The following GAD1 variants were observed in gnomAD, a reference collection of about 807,000 sequenced individuals.
The protein encoded by GAD1 is glutamate decarboxylase 1.
A neutral mutation model predicts 75.2 loss-of-function variants in GAD1; 35 were observed. The ratio of observed to expected loss-of-function variants is 0.47; its 90% CI spans 0.36 to 0.62. GAD1 has a LOEUF of 0.62. Among genes scored for constraint, GAD1 ranks in the 20% least tolerant of loss-of-function variants. The pLI, the probability that GAD1 is intolerant of heterozygous loss-of-function variation, is 0.00. For missense variants in GAD1, 490 were observed against 758.5 expected, an observed-to-expected ratio of 0.65 and a Z score of 4.16; for synonymous variants, 257 against 271.9, an observed-to-expected ratio of 0.95 and a Z score of 0.54.
In GAD1 at chr2:170,843,542, G is replaced by A. The variant is rs1054764617; in HGVS notation, c.639-503G>A. 2.0e-5 allele frequency among the ~76,000 whole-genome samples: 3 copies of A among 150,810 alleles called. No individual in the cohort carries two copies. In the East Asian group the frequency reaches 5.8e-4, roughly 29 times the overall value. On this transcript the variant is annotated intron_variant, in intron 6 of 16. Coordinates refer to ENST00000358196, the MANE Select transcript of GAD1 (RefSeq NM_000817.3). ...CAATTATCTTCACAGTTAGCCTTCA[G>A]ATGTTTACATTATTTTTAAAAGATA...
At position 170,831,053 on chromosome 2, in the gene GAD1, C is replaced by A; in HGVS notation, c.408C>A (p.Thr136=). Residue 136 remains threonine, a synonymous_variant, in exon 5 of 17, where the codon ACC becomes ACA. Transcript: ENST00000358196. ...TCCGCAAGACATTTGATCGCTCCAC[C>A]AAGGTGCTGGACTTTCATCACCCAC... ...NYVRKTFDRS[T]KVLDFHHPHQ... The A allele has an allele frequency of 6.2e-7, 1 of 1,614,188 alleles. No individual in the cohort carries two copies. Among genetic ancestry groups the A allele is most frequent in the Non-Finnish European group, 8.5e-7 (1 of 1,180,044 alleles).
At chr2:170,854,096 G>C in intron 14 of GAD1, 74 bp downstream of exon 14, 1 of 1,470,092 alleles carries the variant, frequency 6.8e-7, no homozygotes, top group Non-Finnish European at 9.5e-7. Context: ...GAGGGGCAAA[G>C]ATATATCACA....
chr2:170,847,825 G>A (rs368995767), intron 11 of GAD1, 33 bp downstream of exon 11: 6 of 1,410,076 alleles, frequency 4.3e-6, no homozygotes, highest in Admixed American at 1.7e-5. Flanking sequence ...CAGTCCATGT[G>A]GGGGGTGGAG....
In GAD1 at chr2:170,822,094, T is replaced by A. The variant is rs1397300359; in HGVS notation, c.90T>A (p.Asp30Glu). The A allele has an allele frequency of 6.2e-7, 1 of 1,610,582 alleles. No individual in the cohort carries two copies. ...NTTNLRPTTY[D>E]TWCGVAHGCT... ...CCCTCTCTCTCGTCCTAGCGTACGA[T>A]ACCTGGTGCGGCGTGGCCCATGGAT... The change falls in exon 3 of 17, where the codon GAT (aspartate) becomes GAA (glutamate). Residue 30 changes from aspartate to glutamate, a missense_variant. Physicochemically the swap from Asp to Glu is conservative, Grantham distance 45. This residue lies in a region of GAD1 where 165 missense variants were observed against 216.4 expected (regional missense o/e 0.76). Transcript: ENST00000358196.
chr2:170,826,303 G>A (rs1053813118), intron 3 of GAD1, among the ~76,000 whole-genome samples: 2 of 151,914 alleles, frequency 1.3e-5, no homozygotes, highest in Non-Finnish European at 1.5e-5. Flanking sequence ...GCAGTGGCTC[G>A]CACCTGTAAT....
intron 3 of GAD1, chr2:170,828,868 G>C (rs111208311): frequency 7.2e-6 from 1 of 138,562 alleles, no homozygotes; most frequent in African/African-American, 3.8e-5. Context: ...CTCCCTCTGC[G>C]GTCCTTGCTC....
chr2:170,814,735 G>C (rs1701665682), upstream of GAD1, among the ~76,000 whole-genome samples: 1 of 152,192 alleles, frequency 6.6e-6, no homozygotes, highest in Non-Finnish European at 1.5e-5. Context: ...AAAGGAGAAA[G>C]AGAGGGATGT....
intron 14 of GAD1, among the ~76,000 whole-genome samples, chr2:170,855,624 C>T (rs1330725663): frequency 1.3e-5 from 2 of 151,774 alleles, no homozygotes; most frequent in South Asian, 4.2e-4. Context: ...CATGTAATCC[C>T]AGCACTTTAG....
Position 170,818,766 on chromosome 2 carries a change from G to A in GAD1, c.82+93G>A. ...GCTGAGCTGGCGGAAAGGGAAGGGG[G>A]AGCGCGGAGATAATGGAGGCTGGGA... On this transcript the variant is annotated intron_variant, in intron 2 of 16. Transcript: ENST00000358196. This position sits in a 1 kb window ranked among gnomAD's most constrained non-coding sequence, Gnocchi z 5.9. 1 of 1,203,122 alleles carries A rather than the reference G, an allele frequency of 8.3e-7. No individual in the cohort carries two copies. Among genetic ancestry groups the A allele is most frequent in the East Asian group, 2.3e-5 (1 of 42,634 alleles). The allele number at this position is 1,203,122 out of a possible 1,614,324, so 74.5% of individuals were successfully genotyped here. A position where few individuals can be genotyped will look rare whatever the true frequency, so the allele number is the denominator to read the frequency against.
chr2:170,835,347 G>C (rs4668327), intron 5 of GAD1, among the ~76,000 whole-genome samples: 10 of 151,840 alleles, frequency 6.6e-5, no homozygotes, highest in Admixed American at 3.9e-4. Flanking sequence ...GGAAAACTTT[G>C]CTTTAAAAAA....
chr2:170,816,458 G>A (rs1701698922), upstream of GAD1: 1 of 152,056 alleles, frequency 6.6e-6, no homozygotes, highest in African/African-American at 2.4e-5. Context: ...CCGGGGAAAA[G>A]CACTGAGGCA....
chr2:170,836,102 GTTGT>G (rs1294427563), intron 5 of GAD1, among the ~76,000 whole-genome samples: 3 of 150,806 alleles, frequency 2.0e-5, no homozygotes, highest in Non-Finnish European at 4.4e-5. Flanking sequence ...ACCGTTTTTG[GTTGT>G]TTTTCTTTTT....
intron 3 of GAD1, among the ~76,000 whole-genome samples, chr2:170,826,970 A>G (rs1702040831): frequency 6.6e-6 from 1 of 152,180 alleles, no homozygotes; most frequent in African/African-American, 2.4e-5. Flanking sequence ...AGGCAAAGAG[A>G]TATGGAAAAG....
intron 12 of GAD1, among the ~76,000 whole-genome samples, chr2:170,849,738 G>C (rs1238918038): frequency 6.6e-6 from 1 of 152,210 alleles, no homozygotes; most frequent in African/African-American, 2.4e-5. Context: ...CAAGTAGTTA[G>C]AACACAATGT....
rs1701780902 is a variant in GAD1 at position 170,818,735 on chromosome 2, C to T, written c.82+62C>T. The T allele has an allele frequency of 6.6e-7, 1 of 1,514,680 alleles. No homozygotes were observed. Among genetic ancestry groups the T allele is most frequent in the Non-Finnish European group, 9.2e-7 (1 of 1,089,428 alleles). 93.8% of individuals were successfully genotyped at this position (1,514,680 alleles called of 1,614,324 possible). ...AGGGAAGATGGGGGCGCTGGGACGT[C>T]GGGAGGCTGAGCTGGCGGAAAGGGA... On this transcript the variant is annotated intron_variant, in intron 2 of 16. Coordinates refer to ENST00000358196, the MANE Select transcript of GAD1 (RefSeq NM_000817.3). This position sits in a 1 kb window ranked among gnomAD's most constrained non-coding sequence, Gnocchi z 5.9.
chr2:170,855,945 T>G (rs1702842846), intron 14 of GAD1, among the ~76,000 whole-genome samples: 1 of 151,116 alleles, frequency 6.6e-6, no homozygotes, highest in South Asian at 2.1e-4. Flanking sequence ...TGAAATATAA[T>G]GACCACACAA....
intron 5 of GAD1, among the ~76,000 whole-genome samples, chr2:170,832,660 GCGCGCACACACACACA>G (rs1452888778): frequency 7.5e-4 from 60 of 79,474 alleles, no homozygotes; most frequent in Admixed American, 7.0e-3. Context: ...ATGCGCGCGC[GCGCGCACACACACACA>G]CACACACACA....
In GAD1 at chr2:170,845,527, A is replaced by G. The variant is rs1433666654; in HGVS notation, c.773A>G (p.Tyr258Cys). ...ACAGGGGGCGCCATATCCAACATGT[A>G]CAGCATCATGGCTGCTCGCTACAAG... ...FSPGGAISNM[Y>C]SIMAARYKYF... Residue 258 changes from tyrosine (Y) to cysteine (C), a missense_variant, in exon 8 of 17, where the codon TAC becomes TGC. Around this residue, in one of 3 missense-constraint regions of GAD1, gnomAD observed 324 missense variants for 523.9 expected, o/e 0.62. Coordinates refer to ENST00000358196, the MANE Select transcript of GAD1 (RefSeq NM_000817.3). 6.2e-7 allele frequency: 1 copy of G among 1,613,858 alleles called. No individual in the cohort carries two copies. Among genetic ancestry groups the G allele is most frequent in the Non-Finnish European group, 8.5e-7 (1 of 1,180,004 alleles).
chr2:170,818,736 G>T lies in GAD1; in HGVS notation c.82+63G>T. ...GGGAAGATGGGGGCGCTGGGACGTC[G>T]GGAGGCTGAGCTGGCGGAAAGGGAA... On this transcript the variant is annotated intron_variant, in intron 2 of 16. Transcript: ENST00000358196. The surrounding 1 kb of genome is among the most constrained non-coding windows in gnomAD (Gnocchi z 5.9). 6.6e-7 allele frequency: 1 copy of T among 1,503,804 alleles called. No individual in the cohort carries two copies. Among genetic ancestry groups the T allele is most frequent in the Non-Finnish European group, 9.3e-7 (1 of 1,079,444 alleles). 93.2% of individuals were successfully genotyped at this position (1,503,804 alleles called of 1,614,324 possible).
Sources: gnomAD v4.1 joint callset for allele counts (sites outside exome capture counted in the v4.1 genomes callset) on GRCh38, gnomAD v4.1.1 for gene constraint, gnomAD v4.1.1 regional missense constraint, Gnocchi (gnomAD v3.1) non-coding constraint, MANE v1.5 for transcripts, NCBI Gene and HGNC (gene_info 2026-07-23, HGNC 2026-07-21) for gene names.